The following MTFMT variants were observed in gnomAD, a reference collection of about 807,000 sequenced individuals.
MTFMT encodes methionyl-tRNA formyltransferase, mitochondrial.
MTFMT carries 47 observed loss-of-function variants against 51.8 expected under a neutral mutation model. That is an observed-to-expected ratio of 0.91 (90% CI 0.72 to 1.16). MTFMT has a LOEUF of 1.16. Among genes scored for constraint, MTFMT ranks in the 50% most tolerant of loss-of-function variants. The probability of loss-of-function intolerance (pLI) is 0.00; values close to 1 mark genes in which losing one functional copy is unlikely to be tolerated. For synonymous variants in MTFMT, 196 were observed against 176.7 expected, an observed-to-expected ratio of 1.11 and a Z score of -0.87; for missense variants, 512 against 482.3, an observed-to-expected ratio of 1.06 and a Z score of -0.58.
At chr15:65,012,380 G>C (rs1437625936) in intron 6 of MTFMT, among the ~76,000 whole-genome samples, 1 of 151,858 alleles carries the variant, frequency 6.6e-6, no homozygotes, top group Non-Finnish European at 1.5e-5. Flanking sequence ...GACCATAAAT[G>C]TATGGGTTTA....
chr15:65,005,859 T>C (rs952618103), intron 7 of MTFMT, among the ~76,000 whole-genome samples: 1 of 152,150 alleles, frequency 6.6e-6, no homozygotes, highest in African/African-American at 2.4e-5. Flanking sequence ...CCACCCACCT[T>C]GGCCTCCCAA....
At chr15:65,022,555 T>C (rs2086383176) in intron 3 of MTFMT, among the ~76,000 whole-genome samples, 2 of 152,266 alleles carry the variant, frequency 1.3e-5, no homozygotes, top group Middle Eastern at 6.8e-3. Flanking sequence ...TCATGAGCAA[T>C]ATGCTTTATT....
intron 4 of MTFMT, 119 bp downstream of exon 4, chr15:65,021,395 A>G (rs2086372985): frequency 1.4e-6 from 1 of 709,190 alleles, no homozygotes; most frequent in Non-Finnish European, 2.4e-6. Context: ...AGCCAAAGAT[A>G]GAAATTACTC....
chr15:65,029,470 C>T lies in MTFMT; in HGVS notation c.144G>A (p.Trp48Ter), dbSNP rs1287504676. Residue 48 changes from tryptophan to a stop codon, truncating the protein, a stop_gained, in exon 1 of 9, where the codon TGG becomes TGA. Coordinates refer to ENST00000220058, the MANE Select transcript of MTFMT (RefSeq NM_139242.4). LOFTEE classifies it high-confidence loss of function. ...RDSRVREKPPWRVLFFGTDQF... is the reference protein window; with the variant it reads ...RDSRVREKPP The stretch of plus-strand genomic sequence containing the variant: ...GGTCCGTGCCGAAGAAGAGCACCCG[C>T]CAGGGAGGCTTCTCGCGGACTCTGG... The T allele has an allele frequency of 1.3e-6, 2 of 1,533,944 alleles. No homozygotes were observed. Among genetic ancestry groups the T allele is most frequent in the South Asian group, 1.2e-5 (1 of 82,148 alleles).
At chr15:65,013,281 C>CT (rs1477469999) in intron 6 of MTFMT, among the ~76,000 whole-genome samples, 2 of 107,620 alleles carry the variant, frequency 1.9e-5, no homozygotes, top group Non-Finnish European at 4.0e-5. Context: ...TTCTTTCTTT[C>CT]TTCTTCTTTT....
chr15:65,029,336 G>C (rs1412912943), intron 1 of MTFMT, 69 bp downstream of exon 1: 4 of 1,344,668 alleles, frequency 3.0e-6, no homozygotes, highest in Non-Finnish European at 3.8e-6. Flanking sequence ...CAAAACCCTC[G>C]GGGCCGGCCG....
rs762875484 is a variant in MTFMT, at chr15:65,026,977, T to G, written c.273A>C (p.Pro91=). 2 of 1,614,034 alleles carry G rather than the reference T, an allele frequency of 1.2e-6. No individual in the cohort carries two copies. The highest frequency in any genetic ancestry group is 4.5e-5 in the East Asian group (2 of 44,884). Residue 91 remains proline (P), a synonymous_variant, in exon 2 of 9, where the codon CCA becomes CCC. Coordinates refer to ENST00000220058, the MANE Select transcript of MTFMT (RefSeq NM_139242.4). The part of the protein sequence containing the change: ...LEVVTMPSPS[P]KGLPVKQYAV... ...CATATTGCTTCACTGGCAGTCCTTTTGGTGATGGGGAAGGCATTGTGACCA... is the reference window on the plus strand; with the variant it reads ...CATATTGCTTCACTGGCAGTCCTTTGGGTGATGGGGAAGGCATTGTGACCA...
At chr15:65,023,981 G>A (rs2086398269) in intron 2 of MTFMT, among the ~76,000 whole-genome samples, 187 bp from the exon 3 acceptor site, 1 of 152,162 alleles carries the variant, frequency 6.6e-6, no homozygotes, top group African/African-American at 2.4e-5. Flanking sequence ...CTTACCATAA[G>A]AAACCAATGA....
Position 65,001,937 on chromosome 15 carries a change from A to G in MTFMT, c.*1125T>C, listed in dbSNP as rs989819124. 1 of 152,132 alleles carries G rather than the reference A, an allele frequency of 6.6e-6. No homozygotes were observed. Among genetic ancestry groups the G allele is most frequent in the Non-Finnish European group, 1.5e-5 (1 of 68,024 alleles). 9.4% of individuals were successfully genotyped at this position (152,132 alleles called of 1,614,324 possible). ...TATAGTACAGATCAATGTGGCAGAG[A>G]TTATTAAATATTACCTACGTTTACT... On this transcript the variant is annotated 3_prime_UTR_variant, in exon 9 of 9. Coordinates refer to ENST00000220058, the MANE Select transcript of MTFMT (RefSeq NM_139242.4).
intron 6 of MTFMT, among the ~76,000 whole-genome samples, chr15:65,013,336 G>A (rs962737876): frequency 2.0e-5 from 3 of 146,700 alleles, no homozygotes; most frequent in Non-Finnish European, 3.0e-5. Context: ...GGCTGGTCTC[G>A]AACTCCTGGC....
At position 65,009,411 on chromosome 15, in the gene MTFMT, T is replaced by C. The variant is rs148016625; in HGVS notation, c.814-3220A>G. Among the ~76,000 whole-genome samples the C allele has an allele frequency of 5.3e-5, 8 of 152,282 alleles. No individual in the cohort carries two copies. In the East Asian group the frequency reaches 1.5e-3, roughly 29 times the overall value. ...AACTATTGATTTCTCTTCCCAAATG[T>C]TCCTCCCCAGACATCCTCATCTCAA... On this transcript the variant is annotated intron_variant, in intron 6 of 8. Coordinates refer to ENST00000220058, the MANE Select transcript of MTFMT (RefSeq NM_139242.4).
Position 65,006,084 on chromosome 15 carries a change from T to C in MTFMT, c.892+29A>G, listed in dbSNP as rs1178575034. The C allele has an allele frequency of 2.3e-5, 36 of 1,537,164 alleles. No individual in the cohort carries two copies. In the Admixed American group the frequency reaches 6.1e-4, roughly 26 times the overall value. ...CCAGATACACTACAGTGAAAACAGC[T>C]TCCATGTTAGCTATTCAAAAGTTAG... is the stretch of plus-strand genomic sequence containing the variant. On this transcript the variant is annotated intron_variant, in intron 7 of 8. Transcript: ENST00000220058.
chr15:65,022,098 G>A (rs901392440), intron 3 of MTFMT, among the ~76,000 whole-genome samples: 3 of 152,204 alleles, frequency 2.0e-5, no homozygotes, highest in African/African-American at 7.2e-5. Flanking sequence ...CAGTTAGGAA[G>A]TTCATAATTA....
intron 5 of MTFMT, among the ~76,000 whole-genome samples, chr15:65,017,556 G>C (rs2086334579): frequency 6.6e-6 from 1 of 152,182 alleles, no homozygotes; most frequent in Non-Finnish European, 1.5e-5. Flanking sequence ...GCATGCCTTT[G>C]GGAGGCCAAG....
chr15:65,017,714 C>T (rs909460524), intron 5 of MTFMT, among the ~76,000 whole-genome samples: 2 of 151,964 alleles, frequency 1.3e-5, no homozygotes, highest in African/African-American at 4.8e-5. Context: ...GGGAGGACTG[C>T]TTGAGCCTGG....
At position 65,006,123 on chromosome 15, in the gene MTFMT, T is replaced by C. The variant is rs774396833; in HGVS notation, c.882A>G (p.Ser294=). 1.2e-6 allele frequency: 2 copies of C among 1,612,520 alleles called. No homozygotes were observed. Among genetic ancestry groups the C allele is most frequent in the South Asian group, 2.2e-5 (2 of 91,046 alleles). Reference sequence around the variant, plus strand: ...TTCAAAAGTTAGTACCAGCAAGGACTGAACTGTTAACTTCTACCAAATCCA... The same window carrying C: ...TTCAAAAGTTAGTACCAGCAAGGACCGAACTGTTAACTTCTACCAAATCCA... ...KLLDLVEVNS[S]VLADPKLTGQ... is the part of the protein sequence containing the mutation. The change falls in exon 7 of 9, where the codon TCA becomes TCG. Residue 294 remains serine, a synonymous_variant. Coordinates refer to ENST00000220058, the MANE Select transcript of MTFMT (RefSeq NM_139242.4).
In MTFMT at chr15:65,019,990, G is replaced by A. The variant is rs541357192; in HGVS notation, c.721+207C>T. On this transcript the variant is annotated intron_variant, in intron 5 of 8. Coordinates refer to ENST00000220058, the MANE Select transcript of MTFMT (RefSeq NM_139242.4). ...TTCTATTTAATATTTTCAAAATCAA[G>A]AAGTTGGAAAAAAATGCTCAATCCT... Among the ~76,000 whole-genome samples the A allele has an allele frequency of 2.5e-3, 373 of 152,160 alleles. 1 individual carries two copies. The highest frequency in any genetic ancestry group is 4.4e-3 in the Non-Finnish European group (300 of 68,004).
chr15:65,004,792 A>C (rs1465301835), intron 8 of MTFMT, 62 bp downstream of exon 8: 1 of 1,112,396 alleles, frequency 9.0e-7, no homozygotes, highest in Non-Finnish European at 1.3e-6. Flanking sequence ...AAAAATAATA[A>C]ATGATACAGA....
At chr15:65,023,586 C>A in intron 3 of MTFMT, 86 bp downstream of exon 3, 2 of 1,316,826 alleles carry the variant, frequency 1.5e-6, no homozygotes, top group Non-Finnish European at 2.2e-6. Flanking sequence ...TTAGTGAGCA[C>A]CACCCATTCA....
Sources: gnomAD v4.1 joint callset for allele counts (sites outside exome capture counted in the v4.1 genomes callset) on GRCh38, gnomAD v4.1.1 for gene constraint, MANE v1.5 for transcripts, NCBI Gene and HGNC (gene_info 2026-07-23, HGNC 2026-07-21) for gene names.